AUTS2: variants seen among roughly 807,000 people sequenced by gnomAD.
AUTS2 encodes autism susceptibility gene 2 protein.
In AUTS2, 17 loss-of-function variants were observed where a neutral mutation model predicts 112.4. The ratio of observed to expected loss-of-function variants is 0.15; its 90% CI spans 0.10 to 0.23. The LOEUF (loss-of-function observed/expected upper bound fraction) is 0.23. Ranked by LOEUF, AUTS2 falls within the 10% of genes least tolerant of loss-of-function variation. The probability of loss-of-function intolerance (pLI) is 1.00; values close to 1 mark genes in which losing one functional copy is unlikely to be tolerated. For synonymous variants in AUTS2, 751 were observed against 702.7 expected, an observed-to-expected ratio of 1.07 and a Z score of -1.09; for missense variants, 1,510 against 1,701.6, an observed-to-expected ratio of 0.89 and a Z score of 1.98.
chr7:70,474,634 A>T (rs1431580278), intron 5 of AUTS2, among the ~76,000 whole-genome samples: 1 of 152,154 alleles, frequency 6.6e-6, no homozygotes, highest in East Asian at 1.9e-4. Flanking sequence ...TATTCGTCTT[A>T]TTTAGGGGAA....
At chr7:69,670,993 G>C (rs1371211369) in intron 1 of AUTS2, among the ~76,000 whole-genome samples, 1 of 152,188 alleles carries the variant, frequency 6.6e-6, no homozygotes, top group African/African-American at 2.4e-5. Context: ...TTCACAATCA[G>C]GCCAAAGTAA....
intron 5 of AUTS2, among the ~76,000 whole-genome samples, chr7:70,612,415 CT>C (rs1563075929): frequency 1.3e-5 from 2 of 152,156 alleles, no homozygotes; most frequent in East Asian, 1.9e-4. Flanking sequence ...CAGAGTCAAC[CT>C]TTTTTCCCAG....
Position 70,790,445 on chromosome 7 carries a change from G to C in AUTS2, c.3229G>C (p.Asp1077His). 1.2e-6 allele frequency: 2 copies of C among 1,612,354 alleles called. No individual in the cohort carries two copies. The highest frequency in any genetic ancestry group is 1.7e-6 in the Non-Finnish European group (2 of 1,179,168). Residue 1077 changes from aspartate (D) to histidine (H), a missense_variant, in exon 19 of 19, where the codon GAT becomes CAT. Coordinates refer to ENST00000342771, the MANE Select transcript of AUTS2 (RefSeq NM_015570.4). The surrounding 1 kb of genome is among the most constrained non-coding windows in gnomAD (Gnocchi z 7.6). ...GGACCCCATCCGGGACCCCTTGAGG[G>C]ATCCTTACCGAGAACTTGACATTCA... ...HWDPIRDPLR[D>H]PYRELDIHRR... is the part of the protein sequence containing the mutation.
At chr7:69,918,778 G>A (rs569049522) in intron 2 of AUTS2, among the ~76,000 whole-genome samples, 1 of 152,188 alleles carries the variant, frequency 6.6e-6, no homozygotes, top group South Asian at 2.1e-4. Flanking sequence ...TAATCATAAT[G>A]ATTGTAGGAA....
At chr7:70,463,973 T>C (rs910005786) in intron 5 of AUTS2, among the ~76,000 whole-genome samples, 3 of 152,156 alleles carry the variant, frequency 2.0e-5, no homozygotes, top group African/African-American at 7.2e-5. Flanking sequence ...CAAAACACAA[T>C]GTTCAACAAA....
chr7:69,648,108 A>T (rs145168203), intron 1 of AUTS2, among the ~76,000 whole-genome samples: 2 of 152,188 alleles, frequency 1.3e-5, no homozygotes, highest in Non-Finnish European at 2.9e-5. Flanking sequence ...AGGGGACACA[A>T]TTAAACCCAT....
chr7:70,567,399 G>C (rs1050834637), intron 5 of AUTS2, among the ~76,000 whole-genome samples: 4 of 152,136 alleles, frequency 2.6e-5, no homozygotes, highest in Admixed American at 2.6e-4. Context: ...TCCATTGAGA[G>C]TGCCCAGACC....
rs562190315 is a variant in AUTS2 at position 69,726,371 on chromosome 7, GT to G, written c.309+126417del. ...GATTGTTCTATATTGTTACATGTCA[GT>G]TTTTTTTAATTGCTGAATAGTACCC... On this transcript the variant is annotated intron_variant, in intron 1 of 18. Coordinates refer to ENST00000342771, the MANE Select transcript of AUTS2 (RefSeq NM_015570.4). 1.8e-3 allele frequency among the ~76,000 whole-genome samples: 267 copies of G among 152,026 alleles called. 4 individuals are homozygous for G. Among genetic ancestry groups the G allele is most frequent in the Admixed American group, 0.013 (197 of 15,270 alleles).
chr7:70,193,742 A>G (rs1189740523), intron 4 of AUTS2, among the ~76,000 whole-genome samples: 1 of 152,242 alleles, frequency 6.6e-6, no homozygotes, highest in Non-Finnish European at 1.5e-5. Context: ...AACATGATAA[A>G]GCAGACCTGC....
At chr7:70,295,296 G>C (rs1788882264) in intron 4 of AUTS2, among the ~76,000 whole-genome samples, 1 of 152,232 alleles carries the variant, frequency 6.6e-6, no homozygotes, top group East Asian at 1.9e-4. Flanking sequence ...ATTCTGATCA[G>C]AGTCAGCCTG....
At chr7:70,651,115 T>C (rs546745162) in intron 5 of AUTS2, among the ~76,000 whole-genome samples, 48 of 152,368 alleles carry the variant, frequency 3.2e-4, no homozygotes, top group African/African-American at 1.2e-3. Flanking sequence ...TTCTAAGCAC[T>C]TTACATGTCT....
At position 69,611,524 on chromosome 7, in the gene AUTS2, T is replaced by C. The variant is rs191234189; in HGVS notation, c.309+11562T>C. Among the ~76,000 whole-genome samples the C allele has an allele frequency of 5.0e-4, 76 of 152,378 alleles. No individual in the cohort carries two copies. In the East Asian group the frequency reaches 7.7e-3, roughly 15 times the overall value. On this transcript the variant is annotated intron_variant, in intron 1 of 18. Coordinates refer to ENST00000342771, the MANE Select transcript of AUTS2 (RefSeq NM_015570.4). ...AATGTTTTTAAATATTGAAGTATAA[T>C]GTGATTCCAGAAATGGTTCCTGTGT...
chr7:70,779,185 T>TGAATTA (rs1412234471), intron 14 of AUTS2, among the ~76,000 whole-genome samples: 4 of 152,176 alleles, frequency 2.6e-5, no homozygotes, highest in African/African-American at 4.8e-5. Flanking sequence ...AGATTCATAG[T>TGAATTA]GAATTAGAAG....
chr7:70,259,993 T>C (rs2129606950), intron 4 of AUTS2, among the ~76,000 whole-genome samples: 1 of 152,304 alleles, frequency 6.6e-6, no homozygotes, highest in East Asian at 1.9e-4. Context: ...TCTTACGAAG[T>C]TTTAAAATAT....
intron 5 of AUTS2, among the ~76,000 whole-genome samples, chr7:70,468,772 G>A (rs1287161694): frequency 6.6e-6 from 1 of 152,102 alleles, no homozygotes; most frequent in Non-Finnish European, 1.5e-5. Context: ...GGTCACTGGA[G>A]CTTAGCACCT....
intron 13 of AUTS2, among the ~76,000 whole-genome samples, chr7:70,775,687 G>A (rs1790641209): frequency 6.6e-6 from 1 of 152,252 alleles, no homozygotes; most frequent in South Asian, 2.1e-4. Context: ...AAAGACTGAA[G>A]CTATAGGCTG....
At chr7:70,001,130 TTTTG>T (rs1439015934) in intron 2 of AUTS2, among the ~76,000 whole-genome samples, 1 of 152,174 alleles carries the variant, frequency 6.6e-6, no homozygotes, top group Non-Finnish European at 1.5e-5. Flanking sequence ...TGCTTTTCCT[TTTTG>T]TTTCTTTCTC....
intron 1 of AUTS2, among the ~76,000 whole-genome samples, chr7:69,616,177 A>G (rs1793363835): frequency 6.6e-6 from 1 of 152,062 alleles, no homozygotes; most frequent in South Asian, 2.1e-4. Flanking sequence ...CTTTTCTAGG[A>G]TGCTCCCTCA....
intron 2 of AUTS2, among the ~76,000 whole-genome samples, chr7:70,117,117 G>GTTTTTTTTTTTTTTTTTTTTTT (rs60488343): frequency 2.7e-5 from 2 of 73,102 alleles, no homozygotes; most frequent in African/African-American, 1.2e-4. Context: ...TTTTTTTTTT[G>GTTTTTTTTTTTTTTTTTTTTTT]TTTTTTTTTG....
Sources: gnomAD v4.1 joint callset for allele counts (sites outside exome capture counted in the v4.1 genomes callset) on GRCh38, gnomAD v4.1.1 for gene constraint, Gnocchi (gnomAD v3.1) non-coding constraint, MANE v1.5 for transcripts, NCBI Gene and HGNC (gene_info 2026-07-23, HGNC 2026-07-21) for gene names.